The following MAGI1 variants were observed in gnomAD, a reference collection of about 807,000 sequenced individuals.
The protein encoded by MAGI1 is membrane associated guanylate kinase, WW and PDZ domain containing 1, also known as membrane-associated guanylate kinase, WW and PDZ domain-containing protein 1.
In MAGI1, 58 loss-of-function variants were observed where a neutral mutation model predicts 139.9. The observed-to-expected ratio is 0.41, with a 90% CI of 0.34 to 0.52. MAGI1 has a LOEUF of 0.52. MAGI1 is among the 20% of genes least tolerant of loss of function. MAGI1 has a pLI of 0.12. For synonymous variants in MAGI1, 812 were observed against 737.9 expected (o/e 1.10, Z -1.63); for missense variants, 1,874 against 1,901.6 (o/e 0.99, Z 0.27).
chr3:65,507,148 C>T (rs895648146), intron 2 of MAGI1, among the ~76,000 whole-genome samples: 2 of 152,196 alleles, frequency 1.3e-5, no homozygotes, highest in African/African-American at 4.8e-5. Context: ...ATAGTACTAC[C>T]TGTGCATGGT....
At chr3:65,747,138 C>A (rs2035777223) in intron 1 of MAGI1, among the ~76,000 whole-genome samples, 1 of 152,174 alleles carries the variant, frequency 6.6e-6, no homozygotes, top group African/African-American at 2.4e-5. Flanking sequence ...GTGTCTCAGT[C>A]ACCTAAAGGA....
chr3:65,555,942 A>G (rs2080065538), intron 2 of MAGI1, among the ~76,000 whole-genome samples: 1 of 152,204 alleles, frequency 6.6e-6, no homozygotes, highest in Non-Finnish European at 1.5e-5. Context: ...CTTGCCTAGA[A>G]TGTAAGAATG....
At chr3:65,446,638 T>G (rs1948694666) in intron 7 of MAGI1, among the ~76,000 whole-genome samples, 1 of 152,212 alleles carries the variant, frequency 6.6e-6, no homozygotes, top group African/African-American at 2.4e-5. Context: ...GTGGTTGAAA[T>G]TGGCTGAACA....
chr3:65,568,546 T>C (rs2108055288), intron 2 of MAGI1, among the ~76,000 whole-genome samples: 1 of 152,320 alleles, frequency 6.6e-6, no homozygotes, highest in Non-Finnish European at 1.5e-5. Context: ...TGCCAATAGA[T>C]TTCATTTCTA....
At chr3:65,951,709 G>A (rs1033524935) in intron 1 of MAGI1, among the ~76,000 whole-genome samples, 1 of 152,136 alleles carries the variant, frequency 6.6e-6, no homozygotes, top group Admixed American at 6.5e-5. Context: ...AACAGCTCTA[G>A]AGATTCCAAT....
At chr3:65,776,681 A>G (rs2038461360) in intron 1 of MAGI1, among the ~76,000 whole-genome samples, 1 of 152,192 alleles carries the variant, frequency 6.6e-6, no homozygotes, top group Non-Finnish European at 1.5e-5. Flanking sequence ...TGACAGCAAC[A>G]GAAAACGGTA....
intron 12 of MAGI1, among the ~76,000 whole-genome samples, chr3:65,410,097 G>A (rs1052984560): frequency 6.6e-6 from 1 of 152,130 alleles, no homozygotes; most frequent in East Asian, 1.9e-4. Flanking sequence ...TAAATACCTT[G>A]GACTGCTCAA....
intron 1 of MAGI1, among the ~76,000 whole-genome samples, chr3:65,960,533 G>A (rs1185643533): frequency 6.6e-6 from 1 of 152,148 alleles, no homozygotes; most frequent in African/African-American, 2.4e-5. Flanking sequence ...GATGTCACTG[G>A]TCCCTGTGGT....
chr3:66,019,007 T>C (rs1033314141), intron 1 of MAGI1, among the ~76,000 whole-genome samples: 9 of 152,188 alleles, frequency 5.9e-5, no homozygotes, highest in Non-Finnish European at 8.8e-5. Flanking sequence ...GATTGGTTCA[T>C]TCATTCACTC....
At chr3:65,877,961 A>C (rs1159819456) in intron 1 of MAGI1, among the ~76,000 whole-genome samples, 4 of 151,934 alleles carry the variant, frequency 2.6e-5, no homozygotes, top group African/African-American at 9.7e-5. Context: ...GTTTTAAAAA[A>C]TTAGTCAGGC....
At chr3:65,852,255 G>A (rs759711449) in intron 1 of MAGI1, among the ~76,000 whole-genome samples, 2 of 152,164 alleles carry the variant, frequency 1.3e-5, no homozygotes, top group African/African-American at 4.8e-5. Flanking sequence ...GGTAGCTGGC[G>A]ATGGAAGTAG....
At chr3:65,401,000 A>C (rs1944843073) in intron 13 of MAGI1, among the ~76,000 whole-genome samples, 1 of 152,016 alleles carries the variant, frequency 6.6e-6, no homozygotes, top group Non-Finnish European at 1.5e-5. Context: ...TAAGAAAGCT[A>C]AGGGAGAGAA....
chr3:65,520,162 C>T (rs919166181), intron 2 of MAGI1, among the ~76,000 whole-genome samples: 12 of 152,268 alleles, frequency 7.9e-5, no homozygotes, highest in African/African-American at 9.6e-5. Flanking sequence ...CAAGCCATCC[C>T]GCTGAGCCCT....
chr3:65,844,392 G>A (rs2058913409), intron 1 of MAGI1: 1 of 342,094 alleles, frequency 2.9e-6, no homozygotes, highest in South Asian at 2.5e-5. Flanking sequence ...TTACTCAGAA[G>A]AAAAGGATAT....
intron 1 of MAGI1, among the ~76,000 whole-genome samples, chr3:65,733,102 T>C (rs1428225804): frequency 1.3e-5 from 2 of 152,032 alleles, no homozygotes; most frequent in Non-Finnish European, 2.9e-5. Context: ...CAAGCTGGAG[T>C]GCAATGAGTG....
intron 1 of MAGI1, among the ~76,000 whole-genome samples, chr3:65,759,822 G>A (rs2036868083): frequency 6.6e-6 from 1 of 152,134 alleles, no homozygotes; most frequent in Admixed American, 6.6e-5. Flanking sequence ...GTGAAGAGGT[G>A]AGAAAGATTC....
chr3:65,442,531 C>G (rs1199022516), intron 8 of MAGI1, among the ~76,000 whole-genome samples: 1 of 152,016 alleles, frequency 6.6e-6, no homozygotes, highest in Non-Finnish European at 1.5e-5. Context: ...CTGCCATATA[C>G]CAGGACGATG....
chr3:65,994,031 T>C (rs2066311371), intron 1 of MAGI1, among the ~76,000 whole-genome samples: 1 of 152,070 alleles, frequency 6.6e-6, no homozygotes, highest in Admixed American at 6.6e-5. Context: ...CCCAGCACTT[T>C]GGGAGGCAGG....
At chr3:65,805,471 T>A (rs1474631728) in intron 1 of MAGI1, among the ~76,000 whole-genome samples, 2 of 152,192 alleles carry the variant, frequency 1.3e-5, no homozygotes, top group Non-Finnish European at 2.9e-5. Context: ...GAAACAGGAA[T>A]GCTTTTACAG....
Sources: allele counts gnomAD v4.1 joint callset (sites outside exome capture counted in the v4.1 genomes callset), GRCh38; gene constraint gnomAD v4.1.1; transcripts MANE v1.5; gene names NCBI Gene and HGNC (gene_info 2026-07-23, HGNC 2026-07-21).